Variants in DHX58 observed in about 807,000 individuals in gnomAD.
The protein encoded by DHX58 is ATP-dependent RNA helicase DHX58.
DHX58 carries 51 observed loss-of-function variants against 65.0 expected under a neutral mutation model. The observed-to-expected ratio is 0.78, with a 90% CI of 0.63 to 0.99. The LOEUF (loss-of-function observed/expected upper bound fraction) is 0.99, where lower values mean the gene tolerates loss of function less well. Among genes scored for constraint, DHX58 ranks in the 50% least tolerant of loss-of-function variants. The pLI, the probability that DHX58 is intolerant of heterozygous loss-of-function variation, is 0.00. For synonymous variants in DHX58, 350 were observed against 365.0 expected, an observed-to-expected ratio of 0.96 and a Z score of 0.47; for missense variants, 773 against 891.8, an observed-to-expected ratio of 0.87 and a Z score of 1.70.
At chr17:42,103,511 G>T in intron 12 of DHX58, 97 bp downstream of exon 12, 2 of 1,428,870 alleles carry the variant, frequency 1.4e-6, no homozygotes, top group Non-Finnish European at 1.9e-6. Context: ...CAAAGTACTT[G>T]CTACAATGCT....
In DHX58 at chr17:42,105,136, T is replaced by C. The variant is rs1555662355; in HGVS notation, c.1283A>G (p.Gln428Arg). The C allele has an allele frequency of 1.2e-6, 2 of 1,613,874 alleles. No homozygotes were observed. The highest frequency in any genetic ancestry group is 8.5e-7 in the Non-Finnish European group (1 of 1,179,926). The change falls in exon 10 of 14, where the codon CAA becomes CGA. Residue 428 changes from glutamine to arginine, a missense_variant. Coordinates refer to ENST00000251642, the MANE Select transcript of DHX58 (RefSeq NM_024119.3). ...RDQQEVIQKFQDGTLNLLVAT... is the reference protein window; with the variant it reads ...RDQQEVIQKFRDGTLNLLVAT... Reference sequence around the variant, plus strand: ...CACCAGAAGGTTCAGGGTTCCATCTTGGAACTTCTGGATCACTTCTTGCTG... The same window carrying C: ...CACCAGAAGGTTCAGGGTTCCATCTCGGAACTTCTGGATCACTTCTTGCTG...
rs200502586 is a variant in DHX58 at position 42,111,869 on chromosome 17, C to G, written c.24G>C (p.Trp8Cys). The change falls in exon 3 of 14, where the codon TGG (tryptophan) becomes TGC (cysteine). Residue 8 changes from tryptophan (W) to cysteine (C), a missense_variant. Trp to Cys is a radical substitution (Grantham distance 215). Coordinates refer to ENST00000251642, the MANE Select transcript of DHX58 (RefSeq NM_024119.3). MELRSYQ[W>C]EVIMPALEGK... ...CCTCCAGGGCAGGCATGATCACCTCCCATTGGTAGGACCGAAGCTCCATTC... is the reference window on the plus strand; with the variant it reads ...CCTCCAGGGCAGGCATGATCACCTCGCATTGGTAGGACCGAAGCTCCATTC... 448 of 1,611,864 alleles carry G rather than the reference C, an allele frequency of 2.8e-4. 1 individual carries two copies. Among genetic ancestry groups the G allele is most frequent in the Middle Eastern group, 9.9e-4 (6 of 6,048 alleles).
At chr17:42,106,219 A>G (rs2054057078) in intron 8 of DHX58, among the ~76,000 whole-genome samples, 1 of 147,766 alleles carries the variant, frequency 6.8e-6, no homozygotes, top group South Asian at 2.3e-4. Context: ...AGAGAAGGAA[A>G]GAAAGGGAGG....
rs1395790397 is a variant in DHX58, at chr17:42,102,224, A to T, written c.1843T>A (p.Cys615Ser). 2 of 1,614,008 alleles carry T rather than the reference A, an allele frequency of 1.2e-6. No homozygotes were observed. Among genetic ancestry groups the T allele is most frequent in the Non-Finnish European group, 1.7e-6 (2 of 1,180,010 alleles). The change falls in exon 13 of 14, where the codon TGT becomes AGT. Residue 615 changes from cysteine (C) to serine (S), a missense_variant. Physicochemically the swap from Cys to Ser is moderately radical, Grantham distance 112 (BLOSUM62 -1). Transcript: ENST00000251642. ...KPGGVISCRN[C>S]GEVWGLQMIY... ...GTGGCCTAAGCTCTTACCTCCCCACAGTTCCTGCAGCTGATGACACCCCCA... is the reference window on the plus strand; with the variant it reads ...GTGGCCTAAGCTCTTACCTCCCCACTGTTCCTGCAGCTGATGACACCCCCA...
chr17:42,107,898 C>A (rs2054089064), intron 7 of DHX58, 84 bp downstream of exon 7: 2 of 1,589,888 alleles, frequency 1.3e-6, no homozygotes, highest in African/African-American at 2.7e-5. Context: ...GGATAGGCCC[C>A]GCCCCAAAGG....
At chr17:42,104,080 G>A (rs544203769) in intron 11 of DHX58, among the ~76,000 whole-genome samples, 3 of 152,092 alleles carry the variant, frequency 2.0e-5, no homozygotes, top group East Asian at 1.9e-4. Flanking sequence ...AAAATTAGCC[G>A]GGCATGGTGG....
At chr17:42,103,853 G>A (rs1326554062) in intron 11 of DHX58, 55 bp from the exon 12 acceptor site, 3 of 1,543,656 alleles carry the variant, frequency 1.9e-6, no homozygotes, top group African/African-American at 1.4e-5. Context: ...CGTTCCTTGG[G>A]GGACAAAAGG....
intron 12 of DHX58, chr17:42,102,752 C>A (rs1225041073): frequency 6.4e-6 from 1 of 155,304 alleles, no homozygotes; most frequent in Non-Finnish European, 1.4e-5. Flanking sequence ...CTGTCTTTTT[C>A]TAAATCTCAT....
At chr17:42,106,039 T>G in intron 8 of DHX58, 50 bp from the exon 9 acceptor site, 2 of 1,566,614 alleles carry the variant, frequency 1.3e-6, no homozygotes, top group Non-Finnish European at 1.7e-6. Context: ...ATGTCTGTAG[T>G]CCCAGATACT....
rs1555661976 is a variant in DHX58 at position 42,103,689 on chromosome 17, T to C, written c.1673A>G (p.Asn558Ser). 1.2e-6 allele frequency: 2 copies of C among 1,613,966 alleles called. No individual in the cohort carries two copies. The highest frequency in any genetic ancestry group is 8.5e-7 in the Non-Finnish European group (1 of 1,180,014). The change falls in exon 12 of 14, where the codon AAC becomes AGC. Residue 558 changes from asparagine to serine, a missense_variant. By Grantham distance (46) the Asn-to-Ser change is conservative (BLOSUM62 1). Transcript: ENST00000251642. Reference protein sequence around the residue: ...PVEHVQLLCINCMVAVGHGSD... With the variant: ...PVEHVQLLCISCMVAVGHGSD... ...GCCATGGCCCACAGCCACCATGCAG[T>C]TGATGCAGAGTAGCTGCACGTGCTC...
chr17:42,102,373 C>A, intron 12 of DHX58, 61 bp from the exon 13 acceptor site: 3 of 1,461,944 alleles, frequency 2.1e-6, no homozygotes, highest in Non-Finnish European at 2.9e-6. Context: ...GGATCTCATG[C>A]CCTCCTGCCG....
At chr17:42,105,295 T>C in intron 9 of DHX58, 128 bp from the exon 10 acceptor site, 2 of 1,225,586 alleles carry the variant, frequency 1.6e-6, no homozygotes, top group Non-Finnish European at 2.2e-6. Context: ...CCTAGAGTAC[T>C]TGAATCCCAT....
rs1555661694 is a variant in DHX58, at chr17:42,102,307, T to G, written c.1760A>C (p.Tyr587Ser). The part of the protein sequence containing the change: ...HVNVNPNFSN[Y>S]YNVSRDPVVI... ...CACAGGATCCCTGGAGACATTATAG[T>G]AGTTCCTGGAGAGGAAGGGGGGTGG... The change falls in exon 13 of 14, where the codon TAC becomes TCC. Residue 587 changes from tyrosine to serine, a missense_variant. Physicochemically the swap from Tyr to Ser is moderately radical, Grantham distance 144. Transcript: ENST00000251642. 1 of 1,614,020 alleles carries G rather than the reference T, an allele frequency of 6.2e-7. No individual in the cohort carries two copies. The highest frequency in any genetic ancestry group is 8.5e-7 in the Non-Finnish European group (1 of 1,179,918).
In DHX58 at chr17:42,101,774, AGGTCC is replaced by A. The variant is rs782076103; in HGVS notation, c.2019_2023del (p.Asp674LeufsTer31). Reference sequence around the variant, plus strand: ...GCAATGAGGTGGTCAGTCCAGGGAGAGGTCCGACAAGTTCTCGGCACAATGCTGCA... The same window carrying A: ...GCAATGAGGTGGTCAGTCCAGGGAGAGACAAGTTCTCGGCACAATGCTGCA... On this transcript the variant is annotated frameshift_variant, in exon 14 of 14. Transcript: ENST00000251642. LOFTEE classifies it high-confidence loss of function. 7 of 1,614,106 alleles carry A rather than the reference AGGTCC, an allele frequency of 4.3e-6. No homozygotes were observed. In the South Asian group the frequency reaches 7.7e-5, roughly 18 times the overall value.
chr17:42,107,570 A>G lies in DHX58; in HGVS notation c.997+34T>C, dbSNP rs1429640845. The G allele has an allele frequency of 4.0e-6, 6 of 1,512,634 alleles. No homozygotes were observed. In the Admixed American group the frequency reaches 6.2e-5, roughly 16 times the overall value. 93.7% of individuals were successfully genotyped at this position (1,512,634 alleles called of 1,614,324 possible). A position where few individuals can be genotyped will look rare whatever the true frequency, so the allele number is the denominator to read the frequency against. On this transcript the variant is annotated intron_variant, in intron 8 of 13. Transcript: ENST00000251642. ...TCTGACCTCGCATCCAGGTCCCATCATCCCCGGCCCCGAAGCCCCCTCCCG... is the reference window on the plus strand; with the variant it reads ...TCTGACCTCGCATCCAGGTCCCATCGTCCCCGGCCCCGAAGCCCCCTCCCG...
At chr17:42,108,373 G>A (rs2054097951) in intron 6 of DHX58, among the ~76,000 whole-genome samples, 1 of 152,144 alleles carries the variant, frequency 6.6e-6, no homozygotes, top group South Asian at 2.1e-4. Flanking sequence ...AGGCCGAGGC[G>A]GACATCCGGG....
At chr17:42,104,612 C>T (rs782820395) in intron 11 of DHX58, among the ~76,000 whole-genome samples, 154 bp downstream of exon 11, 24 of 152,156 alleles carry the variant, frequency 1.6e-4, no homozygotes, top group Non-Finnish European at 1.9e-4. Flanking sequence ...CTGGCAGCCC[C>T]ACCCCGGCCC....
Position 42,103,997 on chromosome 17 carries a change from G to A in DHX58, c.1564-199C>T, listed in dbSNP as rs534201024. On this transcript the variant is annotated intron_variant, in intron 11 of 13. Coordinates refer to ENST00000251642, the MANE Select transcript of DHX58 (RefSeq NM_024119.3). ...TCCCAGCATTTTGGGAGGCCAAGGC[G>A]GGTGGATCACGAGGTCAGGAGTTCG... is the stretch of plus-strand genomic sequence containing the variant. 3.3e-5 allele frequency among the ~76,000 whole-genome samples: 5 copies of A among 152,276 alleles called. No individual in the cohort carries two copies. The South Asian group carries it at 8.3e-4, about 25-fold the overall frequency.
intron 13 of DHX58, 117 bp from the exon 14 acceptor site, chr17:42,102,063 C>A: frequency 6.9e-7 from 1 of 1,442,998 alleles, no homozygotes; most frequent in Admixed American, 2.0e-5. Flanking sequence ...ATGTCACAGA[C>A]TGTGGGCTCC....
Sources: gnomAD v4.1 joint callset for allele counts (sites outside exome capture counted in the v4.1 genomes callset) on GRCh38, gnomAD v4.1.1 for gene constraint, MANE v1.5 for transcripts, NCBI Gene and HGNC (gene_info 2026-07-23, HGNC 2026-07-21) for gene names.